TMTC4: variants seen among roughly 807,000 people sequenced by gnomAD.
TMTC4 encodes the protein protein O-mannosyl-transferase TMTC4.
In TMTC4, 65 loss-of-function variants were observed where a neutral mutation model predicts 86.0. That is an observed-to-expected ratio of 0.76 (90% confidence interval 0.62 to 0.93). The LOEUF (loss-of-function observed/expected upper bound fraction) is 0.93. Among genes scored for constraint, TMTC4 ranks in the 40% least tolerant of loss-of-function variants. TMTC4 has a pLI of 0.00. For missense variants in TMTC4, 866 were observed against 948.1 expected (o/e 0.91, Z 1.14); for synonymous variants, 379 against 382.5 (o/e 0.99, Z 0.11).
At chr13:100,620,828 A>AAAACAAACAAAC (rs140760914) in intron 15 of TMTC4, among the ~76,000 whole-genome samples, 13 of 152,106 alleles carry the variant, frequency 8.5e-5, no homozygotes, top group African/African-American at 2.9e-4. Context: ...GTGATTTCTT[A>AAAACAAACAAAC]AAACAAACAA....
At chr13:100,662,284 C>T (rs539099281) in intron 5 of TMTC4, among the ~76,000 whole-genome samples, 2 of 148,106 alleles carry the variant, frequency 1.4e-5, no homozygotes, top group South Asian at 4.3e-4. Flanking sequence ...ACCAGCAGCT[C>T]CCCAGCAGAG....
Position 100,668,592 on chromosome 13 carries a change from A to G in TMTC4, c.206T>C (p.Ile69Thr), listed in dbSNP as rs779551196. ...GDFVFDDSEA[I>T]VNNKDLQAET... is the part of the protein sequence containing the mutation. ...TGAGATACAAACCTTATTGTTAACA[A>G]TAGCTTCTGAGTCATCAAAGACAAA... Residue 69 changes from isoleucine to threonine, a missense_variant, in exon 3 of 19, where the codon ATT becomes ACT. By Grantham distance (89) the Ile-to-Thr change is moderately conservative. Coordinates refer to ENST00000342624, the MANE Select transcript of TMTC4 (RefSeq NM_032813.5). 1 of 1,614,200 alleles carries G rather than the reference A, an allele frequency of 6.2e-7. No individual in the cohort carries two copies. Among genetic ancestry groups the G allele is most frequent in the Non-Finnish European group, 8.5e-7 (1 of 1,180,028 alleles).
chr13:100,631,116 G>A (rs1051949906), intron 12 of TMTC4, among the ~76,000 whole-genome samples: 9 of 152,336 alleles, frequency 5.9e-5, no homozygotes, highest in Middle Eastern at 3.4e-3. Context: ...TGAAAAGCTT[G>A]TTTATTCTTC....
rs1876383768 is a variant in TMTC4, at chr13:100,605,152, C to T, written c.2135-10G>A. The T allele has an allele frequency of 6.3e-7, 1 of 1,596,846 alleles. No individual in the cohort carries two copies. The highest frequency in any genetic ancestry group is 1.1e-5 in the South Asian group (1 of 89,650). ...CGATGATAAAGCACAGCTGAAATAG[C>T]AGGAGATAAATTTCACTGGGAATGC... is the stretch of plus-strand genomic sequence containing the variant. On this transcript the variant is annotated splice_polypyrimidine_tract_variant and intron_variant, in intron 18 of 18. Transcript: ENST00000342624. The surrounding 1 kb of genome is among the most constrained non-coding windows in gnomAD (Gnocchi z 4.3).
chr13:100,606,504 G>A (rs910545352), intron 17 of TMTC4, 77 bp from the exon 18 acceptor site: 4 of 1,252,800 alleles, frequency 3.2e-6, no homozygotes, highest in Non-Finnish European at 4.5e-6. Context: ...TATCACCTAC[G>A]GTTTTCAAAC....
At position 100,612,446 on chromosome 13, in the gene TMTC4, A is replaced by T. The variant is rs766526833; in HGVS notation, c.2016T>A (p.Ser672=). The stretch of plus-strand genomic sequence containing the variant: ...GCACGTTTGCCAACGAGAACATGAG[A>T]GAGTGATCATTAGGTATTAATTCCA... ...EALELIPNDH[S]LMFSLANVLG... The change falls in exon 17 of 19, where the codon TCT becomes TCA. Residue 672 remains serine, a synonymous_variant. Transcript: ENST00000342624. 1.9e-6 allele frequency: 3 copies of T among 1,611,626 alleles called. No homozygotes were observed. Among genetic ancestry groups the T allele is most frequent in the Admixed American group, 3.4e-5 (2 of 59,508 alleles).
At chr13:100,658,033 C>T (rs575079941) in intron 5 of TMTC4, among the ~76,000 whole-genome samples, 2 of 152,082 alleles carry the variant, frequency 1.3e-5, no homozygotes, top group South Asian at 4.2e-4. Context: ...AAAACAAAGG[C>T]TTAACAGATC....
chr13:100,616,273 G>A (rs1418783584), intron 15 of TMTC4, among the ~76,000 whole-genome samples: 3 of 151,798 alleles, frequency 2.0e-5, no homozygotes, highest in Non-Finnish European at 4.4e-5. Flanking sequence ...GCACAATCTC[G>A]GCTCACTGCA....
intron 6 of TMTC4, among the ~76,000 whole-genome samples, chr13:100,653,605 A>C (rs1205279977): frequency 1.3e-5 from 2 of 152,176 alleles, no homozygotes; most frequent in African/African-American, 4.8e-5. Context: ...TCAAGAATCC[A>C]CGTGGCTCTG....
intron 6 of TMTC4, among the ~76,000 whole-genome samples, chr13:100,652,870 T>C (rs966628589): frequency 6.6e-6 from 1 of 152,242 alleles, no homozygotes; most frequent in African/African-American, 2.4e-5. Flanking sequence ...AACTTTGTTG[T>C]TCTAGTCTTT....
chr13:100,665,517 G>A (rs1033201315), intron 3 of TMTC4, among the ~76,000 whole-genome samples: 26 of 152,310 alleles, frequency 1.7e-4, no homozygotes, highest in African/African-American at 5.8e-4. Context: ...CAAATCATGC[G>A]CCGGGCACCT....
chr13:100,618,289 A>G (rs975738196), intron 15 of TMTC4, among the ~76,000 whole-genome samples: 1 of 152,104 alleles, frequency 6.6e-6, no homozygotes, highest in Non-Finnish European at 1.5e-5. Flanking sequence ...GAAGAGAGAT[A>G]GCTTGACTTC....
At chr13:100,628,740 C>CA (rs1880914270) in intron 12 of TMTC4, among the ~76,000 whole-genome samples, 1 of 152,134 alleles carries the variant, frequency 6.6e-6, no homozygotes, top group South Asian at 2.1e-4. Flanking sequence ...GGGAAGCCAA[C>CA]GTCTGGTAGT....
chr13:100,606,401 T>G lies in TMTC4; in HGVS notation c.2091A>C (p.Ala697=). ...YKESEALFLK[A]IKANPNAASY... ...TTGCAGCATTTGGATTTGCTTTAAT[T>G]GCCTTGAGGAATAAAGCTTCAGATT... The change falls in exon 18 of 19, where the codon GCA becomes GCC. Residue 697 remains alanine (A), a synonymous_variant. Transcript: ENST00000342624. 1.9e-6 allele frequency: 3 copies of G among 1,613,538 alleles called. No individual in the cohort carries two copies. The highest frequency in any genetic ancestry group is 2.5e-6 in the Non-Finnish European group (3 of 1,179,812).
At chr13:100,640,128 G>A (rs887724345) in intron 7 of TMTC4, among the ~76,000 whole-genome samples, 3 of 151,816 alleles carry the variant, frequency 2.0e-5, no homozygotes, top group Non-Finnish European at 1.5e-5. Flanking sequence ...ACCACACTTC[G>A]TATTAGGGAA....
rs76454329 is a variant in TMTC4, at chr13:100,669,044, G to A, written c.4-250C>T. ...CTTTGGTTTCTGATGCCAGAATATC[G>A]TTTAGAAATACGAATGTAATGGTAT... On this transcript the variant is annotated intron_variant, in intron 2 of 18. Transcript: ENST00000342624. Among the ~76,000 whole-genome samples the A allele has an allele frequency of 5.8e-3, 887 of 152,178 alleles. 13 individuals carry two copies. Among genetic ancestry groups the A allele is most frequent in the East Asian group, 0.019 (101 of 5,184 alleles).
At chr13:100,665,450 C>T (rs1250118540) in intron 3 of TMTC4, among the ~76,000 whole-genome samples, 1 of 152,222 alleles carries the variant, frequency 6.6e-6, no homozygotes, top group Non-Finnish European at 1.5e-5. Flanking sequence ...TTGCAGCTCA[C>T]AGACCCTCCT....
upstream of TMTC4, chr13:100,675,022 C>G (rs1196625968): frequency 2.0e-6 from 2 of 985,564 alleles, no homozygotes; most frequent in East Asian, 2.3e-4. Context: ...GACGTCAGGC[C>G]AGGGGGCGCT....
Position 100,614,384 on chromosome 13 carries a change from T to C in TMTC4, c.1883A>G (p.Asn628Ser). 6.2e-7 allele frequency: 1 copy of C among 1,613,804 alleles called. No individual in the cohort carries two copies. The highest frequency in any genetic ancestry group is 1.1e-5 in the South Asian group (1 of 91,060). The stretch of plus-strand genomic sequence containing the variant: ...GTGCTCTGGTTTCAGCACGGTGGCA[T>C]TTCTCCACGCATTCAAGGCATCCAC... The part of the protein sequence containing the change: ...RHVDALNAWR[N>S]ATVLKPEHSL... The change falls in exon 16 of 19, where the codon AAT (asparagine) becomes AGT (serine). Residue 628 changes from asparagine (N) to serine (S), a missense_variant. Coordinates refer to ENST00000342624, the MANE Select transcript of TMTC4 (RefSeq NM_032813.5).
Sources: allele counts gnomAD v4.1 joint callset (sites outside exome capture counted in the v4.1 genomes callset), GRCh38; gene constraint gnomAD v4.1.1; non-coding constraint Gnocchi (gnomAD v3.1); transcripts MANE v1.5; gene names NCBI Gene and HGNC (gene_info 2026-07-23, HGNC 2026-07-21).